GIN1: variants seen among roughly 807,000 people sequenced by gnomAD.
The protein encoded by GIN1 is gypsy retrotransposon integrase 1.
GIN1 carries 41 observed loss-of-function variants against 51.4 expected under a neutral mutation model. The ratio of observed to expected loss-of-function variants is 0.80; its 90% CI spans 0.62 to 1.04. The LOEUF is 1.04. GIN1 is among the 50% of genes least tolerant of loss of function. GIN1 has a pLI of 0.00. For synonymous variants in GIN1, 222 were observed against 206.5 expected, an observed-to-expected ratio of 1.07 and a Z score of -0.64; for missense variants, 610 against 612.4, an observed-to-expected ratio of 1.00 and a Z score of 0.04.
intron 1 of GIN1, among the ~76,000 whole-genome samples, chr5:103,115,507 T>A (rs1376732009): frequency 1.3e-5 from 2 of 152,092 alleles, no homozygotes; most frequent in Non-Finnish European, 2.9e-5. Context: ...GATGGTTGCA[T>A]AGAACAGGGG....
At chr5:103,110,290 G>C (rs1554196792) in intron 1 of GIN1, among the ~76,000 whole-genome samples, 1 of 151,800 alleles carries the variant, frequency 6.6e-6, no homozygotes, top group Non-Finnish European at 1.5e-5. Flanking sequence ...ACACCATTAA[G>C]AAAGTGAAAA....
At chr5:103,090,148 G>C (rs1787196568) in intron 7 of GIN1, among the ~76,000 whole-genome samples, 1 of 152,166 alleles carries the variant, frequency 6.6e-6, no homozygotes. Context: ...AATTAGTCAG[G>C]CATGGTGGCA....
At position 103,087,476 on chromosome 5, in the gene GIN1, T is replaced by C. The variant is rs1379899387; in HGVS notation, c.*422A>G. On this transcript the variant is annotated 3_prime_UTR_variant, in exon 8 of 8. Transcript: ENST00000399004. ...AGTTCTAATGAAACAGAAAGAAGCT[T>C]CATTTCATTCATTGTTACAGTTGAT... 6.5e-6 allele frequency: 1 copy of C among 152,800 alleles called. No individual in the cohort carries two copies. The highest frequency in any genetic ancestry group is 1.5e-5 in the Non-Finnish European group (1 of 68,458). 9.5% of individuals were successfully genotyped at this position (152,800 alleles called of 1,614,324 possible).
At chr5:103,115,452 T>C (rs1554197298) in intron 1 of GIN1, among the ~76,000 whole-genome samples, 1 of 152,110 alleles carries the variant, frequency 6.6e-6, no homozygotes, top group Non-Finnish European at 1.5e-5. Context: ...TCCACCTATA[T>C]GAGGTAGTCA....
chr5:103,099,215 G>A (rs1787499025), intron 4 of GIN1, among the ~76,000 whole-genome samples: 1 of 152,058 alleles, frequency 6.6e-6, no homozygotes. Context: ...GTAAGTAAAA[G>A]TTGTTAGGCA....
chr5:103,104,796 T>C lies in GIN1; in HGVS notation c.384A>G (p.Ala128=). 1 of 1,612,352 alleles carries C rather than the reference T, an allele frequency of 6.2e-7. No homozygotes were observed. Among genetic ancestry groups the C allele is most frequent in the East Asian group, 2.2e-5 (1 of 44,842 alleles). ...CCACCTTGAGAAGGTGCTGTTTCGG[T>C]GCTACAATAACTGTATTTTTTGCCA... The part of the protein sequence containing the change: ...CQVAKNTVIV[A]PKQHLLKVEN... The change falls in exon 4 of 8, where the codon GCA becomes GCG. Residue 128 remains alanine (A), a synonymous_variant. Coordinates refer to ENST00000399004, the MANE Select transcript of GIN1 (RefSeq NM_017676.2).
intron 4 of GIN1, among the ~76,000 whole-genome samples, chr5:103,100,427 T>C (rs1554195657): frequency 1.3e-5 from 2 of 152,058 alleles, no homozygotes; most frequent in African/African-American, 4.8e-5. Flanking sequence ...AGGGTCTCAC[T>C]GTTGCCCAAA....
chr5:103,100,407 T>TTATTATTATTATTA (rs1562329803), intron 4 of GIN1, among the ~76,000 whole-genome samples: 185 of 149,566 alleles, frequency 1.2e-3, no homozygotes, highest in African/African-American at 4.5e-3. Context: ...TATTATTATT[T>TTATTATTATTATTA]TTTTGAGACA....
At chr5:103,095,524 C>G (rs1429263706) in intron 7 of GIN1, among the ~76,000 whole-genome samples, 1 of 152,152 alleles carries the variant, frequency 6.6e-6, no homozygotes, top group Non-Finnish European at 1.5e-5. Context: ...TTTTAAAGTA[C>G]CCTAATATTT....
chr5:103,117,507 A>T lies in GIN1; in HGVS notation c.-8+2557T>A, dbSNP rs1583139331. 2.0e-5 allele frequency among the ~76,000 whole-genome samples: 3 copies of T among 151,576 alleles called. No individual in the cohort carries two copies. The South Asian group carries it at 6.3e-4, about 32-fold the overall frequency. ...ATAGGTCATTTGATATTAGCACTGC[A>T]GATCAAGTAGGAGAAATAAATGATA... On this transcript the variant is annotated intron_variant, in intron 1 of 7. Transcript: ENST00000399004.
At chr5:103,109,347 T>A (rs931577436) in intron 1 of GIN1, among the ~76,000 whole-genome samples, 3 of 151,950 alleles carry the variant, frequency 2.0e-5, no homozygotes, top group African/African-American at 7.2e-5. Flanking sequence ...AATTTTGAAA[T>A]TACATTTAAA....
Position 103,086,448 on chromosome 5 carries a change from A to G in GIN1, c.*1450T>C, listed in dbSNP as rs1787077895. The G allele has an allele frequency of 6.6e-6, 1 of 152,210 alleles. No individual in the cohort carries two copies. The highest frequency in any genetic ancestry group is 6.5e-5 in the Admixed American group (1 of 15,284). 9.4% of individuals were successfully genotyped at this position (152,210 alleles called of 1,614,324 possible). ...GTTTCCTACTTACCTTTTCAGCTTT[A>G]TCCCTCATTATCTTGCTTCTTCACT... On this transcript the variant is annotated 3_prime_UTR_variant, in exon 8 of 8. Coordinates refer to ENST00000399004, the MANE Select transcript of GIN1 (RefSeq NM_017676.2).
chr5:103,114,353 G>T (rs1273179925), intron 1 of GIN1, among the ~76,000 whole-genome samples: 1 of 152,202 alleles, frequency 6.6e-6, no homozygotes, highest in Non-Finnish European at 1.5e-5. Flanking sequence ...AGCCAAAGCA[G>T]TGTCAGTATA....
At chr5:103,099,369 A>AAT (rs1463544381) in intron 4 of GIN1, among the ~76,000 whole-genome samples, 2 of 151,826 alleles carry the variant, frequency 1.3e-5, no homozygotes, top group Non-Finnish European at 2.9e-5. Flanking sequence ...ATATTGGGAT[A>AAT]ATATATATAC....
chr5:103,091,139 CTG>C (rs1414188310), intron 7 of GIN1, among the ~76,000 whole-genome samples: 1 of 152,122 alleles, frequency 6.6e-6, no homozygotes, highest in Non-Finnish European at 1.5e-5. Context: ...TCTAAATCTA[CTG>C]GAGCTAAGAG....
At chr5:103,118,567 T>C (rs907975099) in intron 1 of GIN1, among the ~76,000 whole-genome samples, 2 of 152,190 alleles carry the variant, frequency 1.3e-5, no homozygotes, top group Admixed American at 6.5e-5. Flanking sequence ...TTTATAACGA[T>C]ATAACAGTCT....
At chr5:103,105,074 TGG>T (rs1554196163) in intron 3 of GIN1, among the ~76,000 whole-genome samples, 2 of 150,868 alleles carry the variant, frequency 1.3e-5, no homozygotes, top group Admixed American at 6.6e-5. Context: ...TCAAACAACA[TGG>T]GTTTGGACTG....
chr5:103,110,584 A>T (rs1192499053), intron 1 of GIN1, among the ~76,000 whole-genome samples: 1 of 152,140 alleles, frequency 6.6e-6, no homozygotes, highest in African/African-American at 2.4e-5. Context: ...AAAACCAAAG[A>T]CAACACCAAG....
At position 103,087,975 on chromosome 5, in the gene GIN1, C is replaced by T. The variant is rs1554194102; in HGVS notation, c.1492G>A (p.Asp498Asn). Residue 498 changes from aspartate (D) to asparagine (N), a missense_variant, in exon 8 of 8, where the codon GAC (aspartate) becomes AAC (asparagine). Physicochemically the swap from Asp to Asn is conservative, Grantham distance 23 (BLOSUM62 1). Coordinates refer to ENST00000399004, the MANE Select transcript of GIN1 (RefSeq NM_017676.2). ...YRNTKISPLI[D>N]DHSSLEKQTF... Reference sequence around the variant, plus strand: ...TGCTTTTCAAGAGAACTATGATCGTCTATCAATGGAGAGATTTTCGTATTT... The same window carrying T: ...TGCTTTTCAAGAGAACTATGATCGTTTATCAATGGAGAGATTTTCGTATTT... 1 of 1,595,978 alleles carries T rather than the reference C, an allele frequency of 6.3e-7. No homozygotes were observed. Among genetic ancestry groups the T allele is most frequent in the Non-Finnish European group, 8.6e-7 (1 of 1,164,430 alleles).
Sources: gnomAD v4.1 joint callset for allele counts (sites outside exome capture counted in the v4.1 genomes callset) on GRCh38, gnomAD v4.1.1 for gene constraint, MANE v1.5 for transcripts, NCBI Gene and HGNC (gene_info 2026-07-23, HGNC 2026-07-21) for gene names.